SPATA16: variants seen among roughly 807,000 people sequenced by gnomAD.
SPATA16 encodes spermatogenesis-associated protein 16.
A neutral mutation model predicts 63.3 loss-of-function variants in SPATA16; 36 were observed. The ratio of observed to expected loss-of-function variants is 0.57; its 90% CI spans 0.44 to 0.75. SPATA16 has a LOEUF of 0.75. SPATA16 is among the 30% of genes least tolerant of loss of function. SPATA16 has a pLI of 0.00. For missense variants in SPATA16, 646 were observed against 679.3 expected, an observed-to-expected ratio of 0.95 and a Z score of 0.54; for synonymous variants, 203 against 216.7, an observed-to-expected ratio of 0.94 and a Z score of 0.56.
chr3:173,118,505 GC>G (rs2108338021), intron 1 of SPATA16, among the ~76,000 whole-genome samples: 1 of 152,256 alleles, frequency 6.6e-6, no homozygotes, highest in South Asian at 2.1e-4. Flanking sequence ...GATTCTGCAT[GC>G]TATGTGCTTC....
chr3:172,918,091 G>T (rs973508712), intron 8 of SPATA16, among the ~76,000 whole-genome samples: 2 of 152,110 alleles, frequency 1.3e-5, no homozygotes, highest in Admixed American at 6.6e-5. Flanking sequence ...GGTAGATATG[G>T]GGTTCCTTCC....
chr3:173,061,149 C>T (rs934682230), intron 2 of SPATA16, among the ~76,000 whole-genome samples: 6 of 152,338 alleles, frequency 3.9e-5, no homozygotes, highest in Non-Finnish European at 7.3e-5. Flanking sequence ...AACATCATAT[C>T]TCAAAGTGAA....
intron 4 of SPATA16, among the ~76,000 whole-genome samples, chr3:173,000,717 T>G (rs1194629332): frequency 7.8e-6 from 1 of 128,648 alleles, no homozygotes; most frequent in Admixed American, 7.3e-5. Context: ...TGTTCTGTGG[T>G]TTTTTTTTTT....
At position 172,956,748 on chromosome 3, in the gene SPATA16, G is replaced by C. The variant is rs370161882; in HGVS notation, c.1010C>G (p.Ala337Gly). The C allele has an allele frequency of 6.2e-7, 1 of 1,613,138 alleles. No individual in the cohort carries two copies. The highest frequency in any genetic ancestry group is 8.5e-7 in the Non-Finnish European group (1 of 1,179,510). ...ATCTTTTACTTTTTCTATTTTATCA[G>C]CTCTTATTTTTGTCGCAAATGGTGT... is the stretch of plus-strand genomic sequence containing the variant. Reference protein sequence around the residue: ...MYTPFATKIRADKIEKVKDAF... With the variant: ...MYTPFATKIRGDKIEKVKDAF... Residue 337 changes from alanine to glycine, a missense_variant, in exon 6 of 11, where the codon GCT becomes GGT. Physicochemically the swap from Ala to Gly is moderately conservative, Grantham distance 60. Transcript: ENST00000351008.
chr3:172,990,216 G>A (rs1003206369), intron 4 of SPATA16, among the ~76,000 whole-genome samples: 3 of 152,170 alleles, frequency 2.0e-5, no homozygotes, highest in Non-Finnish European at 4.4e-5. Flanking sequence ...ATAATTGTAA[G>A]CTCCATAAGG....
chr3:172,920,115 A>G (rs1294031690), intron 8 of SPATA16, among the ~76,000 whole-genome samples: 1 of 152,252 alleles, frequency 6.6e-6, no homozygotes, highest in Non-Finnish European at 1.5e-5. Context: ...ATGATTTAGT[A>G]AAAGAATATT....
At chr3:173,061,680 C>T (rs1736383039) in intron 2 of SPATA16, among the ~76,000 whole-genome samples, 1 of 152,180 alleles carries the variant, frequency 6.6e-6, no homozygotes, top group African/African-American at 2.4e-5. Flanking sequence ...AGAAGCTCTA[C>T]ACTGTAGAAT....
At chr3:172,905,323 G>A (rs534203751) in intron 10 of SPATA16, among the ~76,000 whole-genome samples, 91 of 152,180 alleles carry the variant, frequency 6.0e-4, no homozygotes, top group East Asian at 4.6e-3. Context: ...CTGAATCTTC[G>A]AAAAGACAGC....
chr3:173,036,320 G>C (rs1004269608), intron 3 of SPATA16, among the ~76,000 whole-genome samples: 6 of 151,942 alleles, frequency 3.9e-5, no homozygotes, highest in African/African-American at 1.4e-4. Flanking sequence ...TTAGTATTTT[G>C]GAAAACTTAT....
At chr3:172,978,858 AAAC>A (rs962318512) in intron 4 of SPATA16, among the ~76,000 whole-genome samples, 3 of 152,250 alleles carry the variant, frequency 2.0e-5, no homozygotes, top group South Asian at 2.1e-4. Context: ...TATTTACAAA[AAAC>A]AGATTGGGTT....
chr3:173,056,813 C>A (rs1298092179), intron 2 of SPATA16, among the ~76,000 whole-genome samples: 7 of 150,352 alleles, frequency 4.7e-5, no homozygotes, highest in African/African-American at 1.7e-4. Context: ...ATGGTATTTC[C>A]CATGCAGACA....
chr3:172,916,247 T>TTC, intron 9 of SPATA16, 70 bp downstream of exon 9: 1 of 1,554,578 alleles, frequency 6.4e-7, no homozygotes, highest in Non-Finnish European at 8.8e-7. Flanking sequence ...TTTTTTTTTT[T>TTC]TCCCCAGACC....
chr3:173,060,831 T>A (rs1264228314), intron 2 of SPATA16, among the ~76,000 whole-genome samples: 2 of 152,236 alleles, frequency 1.3e-5, no homozygotes, highest in Non-Finnish European at 2.9e-5. Context: ...AGACCTTTTC[T>A]TTATGACTCT....
intron 4 of SPATA16, among the ~76,000 whole-genome samples, chr3:172,979,729 T>G (rs528450583): frequency 1.3e-5 from 2 of 152,086 alleles, no homozygotes; most frequent in South Asian, 4.2e-4. Context: ...GGCTCAAGTC[T>G]TTTTTTTAAA....
At chr3:172,960,893 C>T (rs1447834310) in intron 5 of SPATA16, among the ~76,000 whole-genome samples, 35 of 147,856 alleles carry the variant, frequency 2.4e-4, no homozygotes, top group South Asian at 1.3e-3. Context: ...TTCTCTCTCT[C>T]CTTCCTTCCT....
chr3:172,947,224 C>T (rs1202630114), intron 6 of SPATA16, among the ~76,000 whole-genome samples: 1 of 152,200 alleles, frequency 6.6e-6, no homozygotes, highest in Admixed American at 6.5e-5. Flanking sequence ...ACTTGGAAAA[C>T]TTTCCCAGAA....
chr3:173,057,269 G>A (rs1736258757), intron 2 of SPATA16, among the ~76,000 whole-genome samples: 2 of 151,780 alleles, frequency 1.3e-5, no homozygotes, highest in Non-Finnish European at 1.5e-5. Flanking sequence ...CCGCCGCCAC[G>A]CCTGGGTAAT....
chr3:172,944,741 A>G (rs1328516557), intron 6 of SPATA16, among the ~76,000 whole-genome samples: 1 of 152,236 alleles, frequency 6.6e-6, no homozygotes, highest in Non-Finnish European at 1.5e-5. Flanking sequence ...CCAGACACAA[A>G]TGGACAAATA....
At chr3:173,107,096 C>T (rs191078687) in intron 2 of SPATA16, among the ~76,000 whole-genome samples, 10 of 152,212 alleles carry the variant, frequency 6.6e-5, no homozygotes, top group Admixed American at 4.6e-4. Context: ...AATTGTCTTA[C>T]CATTATAAGA....
Sources: gnomAD v4.1 joint callset for allele counts (sites outside exome capture counted in the v4.1 genomes callset) on GRCh38, gnomAD v4.1.1 for gene constraint, MANE v1.5 for transcripts, NCBI Gene and HGNC (gene_info 2026-07-23, HGNC 2026-07-21) for gene names.